CLDN20: variants seen among roughly 807,000 people sequenced by gnomAD.
CLDN20 encodes the protein claudin 20.
For synonymous variants in CLDN20, 104 were observed against 103.6 expected (o/e 1.00, Z -0.03); for missense variants, 258 against 267.9 (o/e 0.96, Z 0.26).
intron 1 of CLDN20, among the ~76,000 whole-genome samples, chr6:155,273,235 T>C (rs543061338): frequency 8.5e-5 from 13 of 152,222 alleles, no homozygotes; most frequent in Admixed American, 3.3e-4. Flanking sequence ...AGAAACTGTA[T>C]GATAGCAGGT....
rs978305767 is a variant in CLDN20 at position 155,265,717 on chromosome 6, A to T, written c.-105+1429A>T. On this transcript the variant is annotated intron_variant, in intron 1 of 1. Transcript: ENST00000367165. ...TTAAATATAAATATTAAATATATTT[A>T]TATATAATATAAATATATATTATAT... 1.6e-4 allele frequency among the ~76,000 whole-genome samples: 23 copies of T among 146,150 alleles called. No homozygotes were observed. The East Asian group carries it at 4.1e-3, about 26-fold the overall frequency.
intron 1 of CLDN20, among the ~76,000 whole-genome samples, chr6:155,265,503 CAGA>C (rs33940747): frequency 0.66 from 98,755 of 150,640 alleles, 33,105 homozygotes; most frequent in East Asian, 0.98. Flanking sequence ...AAGGCTGGGA[CAGA>C]AGAAGAACAT....
intron 1 of CLDN20, among the ~76,000 whole-genome samples, chr6:155,273,500 T>G (rs1785034422): frequency 1.3e-5 from 2 of 152,228 alleles, no homozygotes; most frequent in Non-Finnish European, 2.9e-5. Context: ...TCAATCTCCT[T>G]GCCGAGTCAT....
chr6:155,275,806 C>G lies in CLDN20; in HGVS notation c.87C>G (p.Asn29Lys). ...TGCTCACAGCCACTCTGCTGCCCAA[C>G]TGGAAGGTGAATGTGGATGTGGACT... The part of the protein sequence containing the change: ...SGVLTATLLP[N>K]WKVNVDVDSN... The change falls in exon 2 of 2, where the codon AAC becomes AAG. Residue 29 changes from asparagine to lysine, a missense_variant. Transcript: ENST00000367165. The G allele has an allele frequency of 6.2e-7, 1 of 1,614,118 alleles. No homozygotes were observed. The highest frequency in any genetic ancestry group is 8.5e-7 in the Non-Finnish European group (1 of 1,180,004).
intron 1 of CLDN20, among the ~76,000 whole-genome samples, chr6:155,271,151 G>A (rs1020707181): frequency 6.6e-6 from 1 of 152,140 alleles, no homozygotes; most frequent in Admixed American, 6.5e-5. Flanking sequence ...AATGATTAAA[G>A]TCTAACATGG....
intron 1 of CLDN20, among the ~76,000 whole-genome samples, chr6:155,270,875 G>C (rs1784887050): frequency 6.6e-6 from 1 of 152,104 alleles, no homozygotes; most frequent in Admixed American, 6.5e-5. Flanking sequence ...ACTTCTTCCA[G>C]TATTTATTTA....
chr6:155,273,853 T>C (rs558981351), intron 1 of CLDN20, among the ~76,000 whole-genome samples: 2 of 152,276 alleles, frequency 1.3e-5, no homozygotes, highest in African/African-American at 4.8e-5. Context: ...CTGAGGTTTC[T>C]TTCAGCTCCA....
Position 155,276,401 on chromosome 6 carries a change from A to C in CLDN20, c.*22A>C. ...GTAAATAACTGAGTAATGCATATGA[A>C]ATGGAACTTTTGGGTGCCAAATGGG... is the stretch of plus-strand genomic sequence containing the variant. On this transcript the variant is annotated 3_prime_UTR_variant, in exon 2 of 2. Coordinates refer to ENST00000367165, the MANE Select transcript of CLDN20 (RefSeq NM_001001346.3). The C allele has an allele frequency of 6.3e-7, 1 of 1,583,868 alleles. No individual in the cohort carries two copies. Among genetic ancestry groups the C allele is most frequent in the Admixed American group, 1.8e-5 (1 of 56,668 alleles).
chr6:155,273,792 C>T (rs11963195), intron 1 of CLDN20, among the ~76,000 whole-genome samples: 11,919 of 152,170 alleles, frequency 0.078, 577 homozygotes, highest in Non-Finnish European at 0.099. Flanking sequence ...GGGGTGATAT[C>T]CTATCTGAAC....
chr6:155,270,514 C>T (rs1204319161), intron 1 of CLDN20, among the ~76,000 whole-genome samples: 1 of 152,010 alleles, frequency 6.6e-6, no homozygotes, highest in East Asian at 1.9e-4. Context: ...AAGTTGCTTC[C>T]AGTTCAGAAG....
intron 1 of CLDN20, among the ~76,000 whole-genome samples, chr6:155,272,705 A>G (rs780759880): frequency 1.3e-5 from 2 of 152,270 alleles, no homozygotes; most frequent in African/African-American, 2.4e-5. Context: ...TTCTTTCTAC[A>G]TAAGTTCTCT....
At chr6:155,271,225 A>T (rs936030615) in intron 1 of CLDN20, among the ~76,000 whole-genome samples, 1 of 152,218 alleles carries the variant, frequency 6.6e-6, no homozygotes, top group African/African-American at 2.4e-5. Flanking sequence ...TATAATGGCT[A>T]TGAATTTATA....
At position 155,276,015 on chromosome 6, in the gene CLDN20, C is replaced by T. The variant is rs1457883243; in HGVS notation, c.296C>T (p.Thr99Ile). Reference protein sequence around the residue: ...VLSALGICTSTVGMKCTRLGG... With the variant: ...VLSALGICTSIVGMKCTRLGG... The stretch of plus-strand genomic sequence containing the variant: ...TCTGCTTTGGGGATCTGCACTTCCA[C>T]AGTAGGAATGAAATGTACTCGCTTA... The change falls in exon 2 of 2, where the codon ACA becomes ATA. Residue 99 changes from threonine (T) to isoleucine (I), a missense_variant. Thr to Ile is a moderately conservative substitution (Grantham distance 89). Coordinates refer to ENST00000367165, the MANE Select transcript of CLDN20 (RefSeq NM_001001346.3). 3 of 1,614,148 alleles carry T rather than the reference C, an allele frequency of 1.9e-6. No homozygotes were observed. In the Admixed American group the frequency reaches 5.0e-5, roughly 27 times the overall value.
intron 1 of CLDN20, among the ~76,000 whole-genome samples, chr6:155,275,064 A>C (rs1322071746): frequency 1.6e-5 from 2 of 122,718 alleles, no homozygotes; most frequent in African/African-American, 3.5e-5. Flanking sequence ...TAAAAATACA[A>C]AAAAAAAAAA....
At chr6:155,266,842 G>T (rs749832144) in intron 1 of CLDN20, among the ~76,000 whole-genome samples, 1 of 61,828 alleles carries the variant, frequency 1.6e-5, no homozygotes, top group Non-Finnish European at 2.6e-5. Context: ...GCGAGACTCC[G>T]TCTCAAAAAA....
At chr6:155,268,042 A>T (rs577417582) in intron 1 of CLDN20, among the ~76,000 whole-genome samples, 1 of 152,316 alleles carries the variant, frequency 6.6e-6, no homozygotes, top group South Asian at 2.1e-4. Context: ...CTTTTTACAG[A>T]CCGAAGATGC....
At chr6:155,271,493 G>A (rs1784912512) in intron 1 of CLDN20, among the ~76,000 whole-genome samples, 1 of 152,166 alleles carries the variant, frequency 6.6e-6, no homozygotes, top group South Asian at 2.1e-4. Context: ...TGTAGGTTTA[G>A]TGATCAGATT....
chr6:155,270,451 G>C (rs112529161), intron 1 of CLDN20, among the ~76,000 whole-genome samples: 12 of 152,098 alleles, frequency 7.9e-5, no homozygotes, highest in African/African-American at 2.9e-4. Flanking sequence ...TACTTTCCTA[G>C]CTCCTTTTTT....
chr6:155,264,389 A>T (rs1266661982), intron 1 of CLDN20, 101 bp downstream of exon 1: 1 of 152,218 alleles, frequency 6.6e-6, no homozygotes, highest in Non-Finnish European at 1.5e-5. Flanking sequence ...GTGAATGTAG[A>T]TCACATTTTC....
Sources: allele counts gnomAD v4.1 joint callset (sites outside exome capture counted in the v4.1 genomes callset), GRCh38; gene constraint gnomAD v4.1.1; transcripts MANE v1.5; gene names NCBI Gene and HGNC (gene_info 2026-07-23, HGNC 2026-07-21).